FOXP2: variants seen among roughly 807,000 people sequenced by gnomAD.
FOXP2 encodes the protein forkhead box protein P2.
FOXP2 carries 12 observed loss-of-function variants against 115.8 expected under a neutral mutation model. The ratio of observed to expected loss-of-function variants is 0.10; its 90% CI spans 0.07 to 0.17. The LOEUF (loss-of-function observed/expected upper bound fraction) is 0.17, where lower values mean the gene tolerates loss of function less well. Ranked by LOEUF, FOXP2 falls within the 10% of genes least tolerant of loss-of-function variation. The probability of loss-of-function intolerance (pLI) is 1.00; values close to 1 mark genes in which losing one functional copy is unlikely to be tolerated. For synonymous variants in FOXP2, 328 were observed against 297.7 expected, an observed-to-expected ratio of 1.10 and a Z score of -1.05; for missense variants, 629 against 843.5, an observed-to-expected ratio of 0.75 and a Z score of 3.15.
chr7:114,404,168 G>GGT (rs1792961453), intron 2 of FOXP2, among the ~76,000 whole-genome samples: 1 of 151,932 alleles, frequency 6.6e-6, no homozygotes, highest in African/African-American at 2.4e-5. Flanking sequence ...GGAGAGAAGG[G>GGT]GTGTCAATAT....
intron 3 of FOXP2, among the ~76,000 whole-genome samples, chr7:114,535,872 C>A (rs763630155): frequency 6.6e-6 from 1 of 151,478 alleles, no homozygotes; most frequent in South Asian, 2.1e-4. Flanking sequence ...TATTTAATCA[C>A]CCTGAGTTTA....
chr7:114,639,933 A>T (rs1234122414), intron 6 of FOXP2, among the ~76,000 whole-genome samples: 1 of 152,184 alleles, frequency 6.6e-6, no homozygotes, highest in Admixed American at 6.6e-5. Context: ...GGGAAGCGAC[A>T]TGACCTAATT....
At chr7:114,630,165 G>A (rs1804823649) in intron 5 of FOXP2, among the ~76,000 whole-genome samples, 160 bp downstream of exon 5, 1 of 152,168 alleles carries the variant, frequency 6.6e-6, no homozygotes, top group Non-Finnish European at 1.5e-5. Flanking sequence ...AGGCTCTCAG[G>A]CTCTCCTTTT....
chr7:114,470,060 G>A (rs1795980569), intron 2 of FOXP2, among the ~76,000 whole-genome samples: 1 of 152,106 alleles, frequency 6.6e-6, no homozygotes, highest in African/African-American at 2.4e-5. Context: ...TTTGTATACA[G>A]TGGCCATGCC....
At chr7:114,183,129 A>G (rs1422174596) in intron 1 of FOXP2, among the ~76,000 whole-genome samples, 1 of 152,132 alleles carries the variant, frequency 6.6e-6, no homozygotes, top group Non-Finnish European at 1.5e-5. Context: ...GTTTGCCAAG[A>G]AAAAAACAAA....
chr7:114,494,235 A>G (rs1268116752), intron 2 of FOXP2, among the ~76,000 whole-genome samples: 1 of 152,196 alleles, frequency 6.6e-6, no homozygotes, highest in East Asian at 1.9e-4. Context: ...TATTCATAAC[A>G]TAATTTGAAA....
At chr7:114,350,425 A>G (rs995472428) in intron 2 of FOXP2, among the ~76,000 whole-genome samples, 1 of 152,082 alleles carries the variant, frequency 6.6e-6, no homozygotes, top group African/African-American at 2.4e-5. Flanking sequence ...TGTTTTCCTT[A>G]AGTAACTTGT....
intron 6 of FOXP2, among the ~76,000 whole-genome samples, chr7:114,641,667 T>C (rs905895729): frequency 1.3e-5 from 2 of 152,054 alleles, no homozygotes; most frequent in African/African-American, 4.8e-5. Flanking sequence ...TATTTTGATA[T>C]TATTTTGAAA....
At chr7:114,261,750 T>C (rs1217916225) in intron 1 of FOXP2, among the ~76,000 whole-genome samples, 1 of 152,190 alleles carries the variant, frequency 6.6e-6, no homozygotes, top group Non-Finnish European at 1.5e-5. Context: ...TAGTATAGAA[T>C]ACATTATCTT....
intron 2 of FOXP2, among the ~76,000 whole-genome samples, chr7:114,498,465 A>G (rs761259609): frequency 2.6e-5 from 4 of 152,186 alleles, no homozygotes; most frequent in Non-Finnish European, 5.9e-5. Flanking sequence ...AGTAAATACA[A>G]TACAGCCTGG....
chr7:114,370,005 A>G (rs1004089285), intron 2 of FOXP2, among the ~76,000 whole-genome samples: 12 of 152,196 alleles, frequency 7.9e-5, no homozygotes, highest in Non-Finnish European at 1.6e-4. Context: ...AAAGTGTTCA[A>G]TGTTCTGATT....
intron 1 of FOXP2, among the ~76,000 whole-genome samples, chr7:114,271,203 G>A (rs1165130959): frequency 6.6e-6 from 1 of 151,588 alleles, no homozygotes; most frequent in African/African-American, 2.4e-5. Context: ...TTTCTACACA[G>A]CCAATCATGT....
intron 1 of FOXP2, among the ~76,000 whole-genome samples, chr7:114,171,551 G>A (rs1793140217): frequency 6.6e-6 from 1 of 152,168 alleles, no homozygotes; most frequent in African/African-American, 2.4e-5. Flanking sequence ...CAGCCTTGGT[G>A]ACAGAGTGAG....
intron 2 of FOXP2, among the ~76,000 whole-genome samples, chr7:114,401,211 CCTAGCAAAATAAATG>C (rs1562905188): frequency 4.6e-5 from 7 of 151,916 alleles, no homozygotes; most frequent in Admixed American, 2.6e-4. Context: ...TAATGTTTGG[CCTAGCAAAATAAATG>C]TTGTCATAGA....
At chr7:114,606,475 T>C (rs2129316081) in intron 3 of FOXP2, among the ~76,000 whole-genome samples, 1 of 152,344 alleles carries the variant, frequency 6.6e-6, no homozygotes, top group East Asian at 1.9e-4. Flanking sequence ...TGAGCTACTG[T>C]GATGCCACTC....
At chr7:114,392,703 A>G (rs1160242686) in intron 2 of FOXP2, among the ~76,000 whole-genome samples, 1 of 152,186 alleles carries the variant, frequency 6.6e-6, no homozygotes, top group Non-Finnish European at 1.5e-5. Context: ...CTCTCTTCTT[A>G]CAGTAATCCC....
intron 2 of FOXP2, among the ~76,000 whole-genome samples, chr7:114,503,821 A>C (rs1345364653): frequency 1.3e-5 from 2 of 151,330 alleles, no homozygotes; most frequent in East Asian, 3.9e-4. Context: ...TGGTTCCTTA[A>C]TACAATATTG....
chr7:114,379,243 G>A (rs1792220055), intron 2 of FOXP2, among the ~76,000 whole-genome samples: 1 of 152,092 alleles, frequency 6.6e-6, no homozygotes, highest in Non-Finnish European at 1.5e-5. Flanking sequence ...ATAGATGATT[G>A]GCTATTTCTT....
intron 2 of FOXP2, among the ~76,000 whole-genome samples, chr7:114,334,430 A>C (rs1441083505): frequency 2.0e-5 from 3 of 152,146 alleles, no homozygotes; most frequent in Non-Finnish European, 4.4e-5. Context: ...AGAATGATAA[A>C]TAGAGCAGGG....
Sources: gnomAD v4.1 joint callset for allele counts (sites outside exome capture counted in the v4.1 genomes callset) on GRCh38, gnomAD v4.1.1 for gene constraint, MANE v1.5 for transcripts, NCBI Gene and HGNC (gene_info 2026-07-23, HGNC 2026-07-21) for gene names.